The following COL22A1 variants were observed in gnomAD, a reference collection of about 807,000 sequenced individuals.
COL22A1 encodes collagen alpha-1(XXII) chain.
Under a neutral mutation model 248.9 loss-of-function variants are expected in COL22A1, and 221 were observed. The observed-to-expected ratio is 0.89, with a 90% CI of 0.80 to 0.99. The LOEUF (loss-of-function observed/expected upper bound fraction) is 0.99. Ranked by LOEUF, COL22A1 falls within the 50% of genes least tolerant of loss-of-function variation. The probability of loss-of-function intolerance (pLI) is 0.00; values close to 1 mark genes in which losing one functional copy is unlikely to be tolerated. For missense variants in COL22A1, 2,240 were observed against 2,179.0 expected (o/e 1.03, Z -0.56); for synonymous variants, 891 against 793.4 (o/e 1.12, Z -2.07).
intron 9 of COL22A1, among the ~76,000 whole-genome samples, chr8:138,808,868 G>C (rs960175201): frequency 1.3e-5 from 2 of 152,158 alleles, no homozygotes; most frequent in East Asian, 3.9e-4. Flanking sequence ...CCACAAGAGT[G>C]CCTGGTACAC....
chr8:138,592,719 C>T (rs2131778791), intron 63 of COL22A1, among the ~76,000 whole-genome samples: 1 of 144,004 alleles, frequency 6.9e-6, no homozygotes, highest in South Asian at 2.1e-4. Context: ...TTCCCTGCCC[C>T]ATGCTTATTC....
At chr8:138,794,649 A>G (rs1357109949) in intron 12 of COL22A1, among the ~76,000 whole-genome samples, 1 of 152,166 alleles carries the variant, frequency 6.6e-6, no homozygotes, top group Non-Finnish European at 1.5e-5. Flanking sequence ...GGATGGATGG[A>G]AAAAGAAAAC....
chr8:138,619,513 G>C lies in COL22A1; in HGVS notation c.3772-5C>G. 1 of 1,613,850 alleles carries C rather than the reference G, an allele frequency of 6.2e-7. No individual in the cohort carries two copies. ...ACCTGGCTCTCCTGCTTTGCCCTGA[G>C]AGTAAGGAAGAAAAGAAGAGTTTGA... On this transcript the variant is annotated splice_region_variant and splice_polypyrimidine_tract_variant and intron_variant, in intron 52 of 64. Coordinates refer to ENST00000303045, the MANE Select transcript of COL22A1 (RefSeq NM_152888.3).
intron 22 of COL22A1, 96 bp from the exon 23 acceptor site, chr8:138,737,673 ACT>A (rs1831230416): frequency 5.2e-6 from 4 of 772,244 alleles, no homozygotes; most frequent in African/African-American, 1.7e-5. Flanking sequence ...GGTCTTTATT[ACT>A]CTCAACCTCC....
chr8:138,688,995 T>C (rs1826596530), intron 36 of COL22A1, 25 bp from the exon 37 acceptor site: 4 of 1,602,322 alleles, frequency 2.5e-6, no homozygotes, highest in Admixed American at 3.3e-5. Context: ...ATTACGGACA[T>C]GGTGAATTTA....
At chr8:138,765,336 C>T (rs919332693) in intron 16 of COL22A1, among the ~76,000 whole-genome samples, 1 of 152,186 alleles carries the variant, frequency 6.6e-6, no homozygotes, top group East Asian at 1.9e-4. Flanking sequence ...TCACCCTCTA[C>T]CTCTAGATGA....
At chr8:138,740,219 G>A (rs541324884) in intron 22 of COL22A1, among the ~76,000 whole-genome samples, 1 of 152,208 alleles carries the variant, frequency 6.6e-6, no homozygotes, top group Non-Finnish European at 1.5e-5. Flanking sequence ...GGAGGACCTG[G>A]TGAATAATCA....
At chr8:138,611,139 T>C (rs919876910) in intron 56 of COL22A1, among the ~76,000 whole-genome samples, 2 of 152,234 alleles carry the variant, frequency 1.3e-5, no homozygotes, top group Non-Finnish European at 2.9e-5. Context: ...ATTTGATCGC[T>C]GCCCTATGCC....
intron 18 of COL22A1, among the ~76,000 whole-genome samples, chr8:138,759,255 G>A (rs1833257055): frequency 6.6e-6 from 1 of 152,180 alleles, no homozygotes; most frequent in Non-Finnish European, 1.5e-5. Context: ...TCCATAAGGA[G>A]TTGGAGCAGC....
At chr8:138,673,238 T>C (rs1217590444) in intron 41 of COL22A1, among the ~76,000 whole-genome samples, 1 of 146,396 alleles carries the variant, frequency 6.8e-6, no homozygotes, top group East Asian at 2.0e-4. Context: ...TTAGACAGAG[T>C]CTGGCTCTGC....
At position 138,589,171 on chromosome 8, in the gene COL22A1, C is replaced by T. The variant is rs1024604292; in HGVS notation, c.*82G>A. 4 of 1,328,432 alleles carry T rather than the reference C, an allele frequency of 3.0e-6. No individual in the cohort carries two copies. In the African/African-American group the frequency reaches 4.5e-5, roughly 15 times the overall value. 82.3% of individuals were successfully genotyped at this position (1,328,432 alleles called of 1,614,324 possible). ...AAAAAAAGGAACACATGGCTGAAGT[C>T]TTTCAAGACCTCTGGCTTCCCACTG... On this transcript the variant is annotated 3_prime_UTR_variant, in exon 65 of 65. Transcript: ENST00000303045.
chr8:138,634,377 C>A (rs781419294), intron 49 of COL22A1, among the ~76,000 whole-genome samples: 21 of 152,108 alleles, frequency 1.4e-4, no homozygotes, highest in Non-Finnish European at 2.5e-4. Flanking sequence ...TCCCAGGGGA[C>A]TGGTCCTGGG....
In COL22A1 at chr8:138,913,850, G is replaced by C. The variant is rs1418701705; in HGVS notation, c.-304C>G. ...AGGGGGCCAGAGAGGGAACCAGCTT[G>C]AAAACAAGTAACTAAATACATACAG... is the stretch of plus-strand genomic sequence containing the variant. On this transcript the variant is annotated 5_prime_UTR_variant, in exon 1 of 65. Transcript: ENST00000303045. 6.6e-6 allele frequency: 1 copy of C among 152,400 alleles called. No individual in the cohort carries two copies. Among genetic ancestry groups the C allele is most frequent in the African/African-American group, 2.4e-5 (1 of 41,466 alleles). The allele number at this position is 152,400 out of a possible 1,614,324, so 9.4% of individuals were successfully genotyped here.
In COL22A1 at chr8:138,836,329, G is replaced by T. The variant is rs141032812; in HGVS notation, c.734-3179C>A. On this transcript the variant is annotated intron_variant, in intron 4 of 64. Coordinates refer to ENST00000303045, the MANE Select transcript of COL22A1 (RefSeq NM_152888.3). ...GGAAAGGGAAAAGGAAAAGGAAAAG[G>T]AAAAGACCAGTCATCAGGCCTGGAC... Among the ~76,000 whole-genome samples the T allele has an allele frequency of 1.2e-3, 182 of 152,248 alleles. 5 individuals carry two copies. The East Asian group carries it at 0.034, about 29-fold the overall frequency.
intron 7 of COL22A1, among the ~76,000 whole-genome samples, chr8:138,814,427 CTCTCTCTG>C (rs1818505685): frequency 2.6e-5 from 4 of 152,110 alleles, no homozygotes; most frequent in Middle Eastern, 3.4e-3. Context: ...GTGTGTTCTT[CTCTCTCTG>C]TCTCTCTGTG....
At chr8:138,893,160 CTG>C (rs1422256268) in intron 1 of COL22A1, among the ~76,000 whole-genome samples, 1 of 152,200 alleles carries the variant, frequency 6.6e-6, no homozygotes, top group Admixed American at 6.5e-5. Context: ...AAATTCAACT[CTG>C]TGGAGCTTGG....
At chr8:138,796,988 A>C in intron 11 of COL22A1, 131 bp from the exon 12 acceptor site, 1 of 718,804 alleles carries the variant, frequency 1.4e-6, no homozygotes, top group East Asian at 2.5e-5. Flanking sequence ...TAGCCACTAA[A>C]AGAAATGGTG....
chr8:138,863,112 A>C (rs1563857395), intron 3 of COL22A1, among the ~76,000 whole-genome samples: 1 of 152,202 alleles, frequency 6.6e-6, no homozygotes, highest in Non-Finnish European at 1.5e-5. Context: ...GATAAAATAA[A>C]GTCCTCTGCT....
At chr8:138,889,568 T>G (rs1409206130) in intron 1 of COL22A1, among the ~76,000 whole-genome samples, 9 of 150,408 alleles carry the variant, frequency 6.0e-5, no homozygotes, top group African/African-American at 1.2e-4. Context: ...TGTTGTGGGG[T>G]GGGGGGAGTG....
Sources: gnomAD v4.1 joint callset for allele counts (sites outside exome capture counted in the v4.1 genomes callset) on GRCh38, gnomAD v4.1.1 for gene constraint, MANE v1.5 for transcripts, NCBI Gene and HGNC (gene_info 2026-07-23, HGNC 2026-07-21) for gene names.